Variants in TUT4 observed in about 807,000 individuals in gnomAD.
TUT4 encodes terminal uridylyl transferase 4.
TUT4 carries 36 observed loss-of-function variants against 192.2 expected under a neutral mutation model. The ratio of observed to expected loss-of-function variants is 0.19; its 90% confidence interval spans 0.14 to 0.25. The LOEUF is 0.25. Among genes scored for constraint, TUT4 ranks in the 10% least tolerant of loss-of-function variants. TUT4 has a pLI of 1.00. For synonymous variants in TUT4, 618 were observed against 666.0 expected (o/e 0.93, Z 1.11); for missense variants, 1,493 against 1,957.2 (o/e 0.76, Z 4.47).
chr1:52,464,597 A>G (rs1449225441), intron 16 of TUT4, among the ~76,000 whole-genome samples: 1 of 152,166 alleles, frequency 6.6e-6, no homozygotes, highest in Non-Finnish European at 1.5e-5. Flanking sequence ...AAAAAATTTT[A>G]TGTGAGTGGT....
In TUT4 at chr1:52,446,385, C is replaced by T; in HGVS notation, c.3571G>A (p.Gly1191Arg). 1 of 1,613,218 alleles carries T rather than the reference C, an allele frequency of 6.2e-7. No individual in the cohort carries two copies. Among genetic ancestry groups the T allele is most frequent in the Non-Finnish European group, 8.5e-7 (1 of 1,179,764 alleles). ...NTESLGELWLGLLRFYTEEFD... is the reference protein window; with the variant it reads ...NTESLGELWLRLLRFYTEEFD... ...TCTTCAGTATAGAAACGAAGCAGTC[C>T]CAGCCAAAGCTCCCCTAATGATTCT... Residue 1191 changes from glycine (G) to arginine (R), a missense_variant, in exon 22 of 30, where the codon GGA becomes AGA. By Grantham distance (125) the Gly-to-Arg change is moderately radical (BLOSUM62 -2). Coordinates refer to ENST00000257177, the MANE Select transcript of TUT4 (RefSeq NM_001009881.3).
chr1:52,457,729 A>G (rs77320878), intron 20 of TUT4, among the ~76,000 whole-genome samples: 1,853 of 152,302 alleles, frequency 0.012, 17 homozygotes, highest in Middle Eastern at 0.02. Context: ...GATGATTAAT[A>G]TCTCCTTTGT....
intron 14 of TUT4, among the ~76,000 whole-genome samples, chr1:52,471,635 A>G (rs911516329): frequency 1.3e-5 from 2 of 151,258 alleles, no homozygotes; most frequent in African/African-American, 4.9e-5. Context: ...CTAGTATAAA[A>G]CTGAAGAACT....
intron 24 of TUT4, among the ~76,000 whole-genome samples, chr1:52,445,385 C>T (rs552567082): frequency 7.2e-5 from 11 of 152,170 alleles, no homozygotes; most frequent in South Asian, 2.1e-4. Flanking sequence ...ATATTTTCAT[C>T]GAGATTTCTG....
intron 1 of TUT4, among the ~76,000 whole-genome samples, chr1:52,532,204 G>A (rs1431120918): frequency 3.3e-5 from 5 of 152,010 alleles, no homozygotes; most frequent in Middle Eastern, 3.4e-3. Flanking sequence ...TTACATGGTT[G>A]AAAAACAGTA....
At chr1:52,510,308 T>G (rs970787639) in intron 3 of TUT4, among the ~76,000 whole-genome samples, 3 of 132,970 alleles carry the variant, frequency 2.3e-5, no homozygotes, top group African/African-American at 9.1e-5. Context: ...GAGCAAGACT[T>G]CGTATTAACA....
intron 1 of TUT4, among the ~76,000 whole-genome samples, chr1:52,544,425 C>A (rs986489033): frequency 2.0e-5 from 3 of 152,056 alleles, no homozygotes; most frequent in Non-Finnish European, 4.4e-5. Context: ...GATGACAAAG[C>A]CATTCAATAG....
intron 19 of TUT4, 35 bp downstream of exon 19, chr1:52,461,099 T>A: frequency 6.8e-7 from 1 of 1,473,888 alleles, no homozygotes; most frequent in Non-Finnish European, 9.2e-7. Flanking sequence ...TTAATTATCA[T>A]GAACAAAGCA....
At position 52,541,571 on chromosome 1, in the gene TUT4, T is replaced by TA. The variant is rs529641103; in HGVS notation, c.-94+11359dup. Among the ~76,000 whole-genome samples the TA allele has an allele frequency of 1.5e-3, 216 of 145,152 alleles. 1 individual carries two copies. Among genetic ancestry groups the TA allele is most frequent in the Middle Eastern group, 3.5e-3 (1 of 288 alleles). On this transcript the variant is annotated intron_variant, in intron 1 of 29. Coordinates refer to ENST00000257177, the MANE Select transcript of TUT4 (RefSeq NM_001009881.3). Reference sequence around the variant, plus strand: ...AAGAAACTCCTACATCATATCACATTAAAAAAAAAAACTCAAAATGGATCA... The same window carrying TA: ...AAGAAACTCCTACATCATATCACATTAAAAAAAAAAAACTCAAAATGGATCA...
intron 7 of TUT4, among the ~76,000 whole-genome samples, chr1:52,491,271 T>C (rs1403082425): frequency 6.6e-6 from 1 of 152,156 alleles, no homozygotes; most frequent in Non-Finnish European, 1.5e-5. Context: ...CGTTAGTATA[T>C]GAAGAGTTTG....
chr1:52,496,908 G>T, intron 5 of TUT4, 98 bp downstream of exon 5: 1 of 1,189,194 alleles, frequency 8.4e-7, no homozygotes, highest in Non-Finnish European at 1.2e-6. Flanking sequence ...CTTTTAAGGA[G>T]AAAAGGGAAG....
intron 9 of TUT4, among the ~76,000 whole-genome samples, chr1:52,482,983 T>C (rs1028555338): frequency 6.6e-6 from 1 of 152,198 alleles, no homozygotes; most frequent in African/African-American, 2.4e-5. Context: ...AAGAATCGTT[T>C]TTCCAAAATC....
rs183467053 is a variant in TUT4, at chr1:52,519,072, A to G, written c.719-3018T>C. Among the ~76,000 whole-genome samples, 50 of 152,356 alleles carry G rather than the reference A, an allele frequency of 3.3e-4. 1 individual carries two copies. The East Asian group carries it at 8.1e-3, about 25-fold the overall frequency. On this transcript the variant is annotated intron_variant, in intron 2 of 29. Transcript: ENST00000257177. Reference sequence around the variant, plus strand: ...TACATCCACACAAAAACTTTTACACAAATGTTCAGAACAGCATTATTCAGA... The same window carrying G: ...TACATCCACACAAAAACTTTTACACGAATGTTCAGAACAGCATTATTCAGA...
chr1:52,496,147 C>T (rs1672389053), intron 5 of TUT4, among the ~76,000 whole-genome samples: 1 of 152,058 alleles, frequency 6.6e-6, no homozygotes, highest in African/African-American at 2.4e-5. Context: ...ATGATTGGGA[C>T]AGATCAAGAA....
At chr1:52,536,913 C>A (rs1426235039) in intron 1 of TUT4, among the ~76,000 whole-genome samples, 1 of 152,002 alleles carries the variant, frequency 6.6e-6, no homozygotes, top group African/African-American at 2.4e-5. Context: ...CGCCTGTAAT[C>A]CCAACACTTT....
rs371651175 is a variant in TUT4, at chr1:52,423,975, T to C, written c.4898A>G (p.Glu1633Gly). ...QDRCATRRCR[E>G]RCPHPPRGNV... ...TCCTCTTGGTGGGTGGGGACAACGC[T>C]CTCTACACCGACGGGTGGCACATCT... The change falls in exon 30 of 30, where the codon GAG (glutamate) becomes GGG (glycine). Residue 1633 changes from glutamate (E) to glycine (G), a missense_variant. Around this residue, in one of 7 missense-constraint regions of TUT4, gnomAD observed 351 missense variants for 397.8 expected, o/e 0.88. Coordinates refer to ENST00000257177, the MANE Select transcript of TUT4 (RefSeq NM_001009881.3). 1.2e-6 allele frequency: 2 copies of C among 1,612,602 alleles called. No individual in the cohort carries two copies. The highest frequency in any genetic ancestry group is 2.2e-5 in the South Asian group (2 of 90,800).
chr1:52,471,040 G>A (rs1271092542), intron 14 of TUT4, among the ~76,000 whole-genome samples: 3 of 118,780 alleles, frequency 2.5e-5, no homozygotes, highest in Non-Finnish European at 4.9e-5. Flanking sequence ...TTTTTAAGAC[G>A]GAGTCTCACT....
At chr1:52,514,316 T>C (rs1487112314) in intron 3 of TUT4, among the ~76,000 whole-genome samples, 2 of 151,986 alleles carry the variant, frequency 1.3e-5, no homozygotes, top group Non-Finnish European at 2.9e-5. Flanking sequence ...TGGCGCACAA[T>C]TGTAATACCA....
intron 1 of TUT4, among the ~76,000 whole-genome samples, chr1:52,533,820 G>A (rs1464438564): frequency 2.0e-5 from 3 of 152,040 alleles, no homozygotes; most frequent in East Asian, 3.9e-4. Context: ...AAAAAATTTA[G>A]CCAGGTGTGG....
Sources: allele counts gnomAD v4.1 joint callset (sites outside exome capture counted in the v4.1 genomes callset), GRCh38; gene constraint gnomAD v4.1.1; regional missense constraint gnomAD v4.1.1; transcripts MANE v1.5; gene names NCBI Gene and HGNC (gene_info 2026-07-23, HGNC 2026-07-21).